The following OR5T2 variants were observed in gnomAD, a reference collection of about 807,000 sequenced individuals.
The protein encoded by OR5T2 is olfactory receptor family 5 subfamily T member 2, also known as olfactory receptor 5T2.
In OR5T2, 12 loss-of-function variants were observed where a neutral mutation model predicts 13.7. That is an observed-to-expected ratio of 0.88 (90% confidence interval 0.56 to 1.42). The LOEUF is 1.42. Among genes scored for constraint, OR5T2 ranks in the 40% most tolerant of loss-of-function variants. The pLI, the probability that OR5T2 is intolerant of heterozygous loss-of-function variation, is 0.00. For missense variants in OR5T2, 475 were observed against 372.0 expected, an observed-to-expected ratio of 1.28 and a Z score of -2.28; for synonymous variants, 146 against 139.5, an observed-to-expected ratio of 1.05 and a Z score of -0.33.
Position 56,233,159 on chromosome 11 carries a change from T to A in OR5T2, c.-97A>T, listed in dbSNP as rs1853319233. 5 of 1,563,424 alleles carry A rather than the reference T, an allele frequency of 3.2e-6. No individual in the cohort carries two copies. The highest frequency in any genetic ancestry group is 3.5e-6 in the Non-Finnish European group (4 of 1,151,630). On this transcript the variant is annotated 5_prime_UTR_variant, in exon 2 of 2. Transcript: ENST00000641661. ...CACCATGACTCAAGGGGATGTTAAC[T>A]GTGCTCTTGTATATACTGTACGACA...
At chr11:56,233,850 G>A (rs1033120812) in intron 1 of OR5T2, among the ~76,000 whole-genome samples, 2 of 151,162 alleles carry the variant, frequency 1.3e-5, no homozygotes, top group Non-Finnish European at 2.9e-5. Context: ...ATTTTGCTTT[G>A]TGCAAATAAG....
chr11:56,232,146 T>C lies in OR5T2; in HGVS notation c.917A>G (p.Asn306Ser). ...AAAATATACTTTATTGATAACCTGA[T>C]TTTTCCCAAACATTTTTTTCATTGA... The part of the protein sequence containing the change: ...KDSMKKMFGK[N>S]QVINKVYFHT... The change falls in exon 2 of 2, where the codon AAT becomes AGT. Residue 306 changes from asparagine (N) to serine (S), a missense_variant. By Grantham distance (46) the Asn-to-Ser change is conservative. Coordinates refer to ENST00000641661, the MANE Select transcript of OR5T2 (RefSeq NM_001004746.4). The C allele has an allele frequency of 6.3e-7, 1 of 1,580,314 alleles. No homozygotes were observed. Among genetic ancestry groups the C allele is most frequent in the Non-Finnish European group, 8.6e-7 (1 of 1,165,700 alleles).
At chr11:56,233,336 T>C (rs1307056025) in intron 1 of OR5T2, 72 bp from the exon 2 acceptor site, 1 of 544,390 alleles carries the variant, frequency 1.8e-6, no homozygotes, top group African/African-American at 1.9e-5. Flanking sequence ...AATCATCAGG[T>C]CTACTGGTTA....
In OR5T2 at chr11:56,232,906, G is replaced by T. The variant is rs758357133; in HGVS notation, c.157C>A (p.Leu53Ile). The change falls in exon 2 of 2, where the codon CTC becomes ATC. Residue 53 changes from leucine to isoleucine, a missense_variant. By Grantham distance (5) the Leu-to-Ile change is conservative. Coordinates refer to ENST00000641661, the MANE Select transcript of OR5T2 (RefSeq NM_001004746.4). ...LILVVIRDSQLHKPMYYFLSM... is the reference protein window; with the variant it reads ...LILVVIRDSQIHKPMYYFLSM... ...AGAAAATAGTACATGGGTTTGTGGA[G>T]CTGGGAATCCCTAATGACCACTAAA... 1.2e-6 allele frequency: 2 copies of T among 1,611,988 alleles called. No homozygotes were observed. Among genetic ancestry groups the T allele is most frequent in the South Asian group, 1.1e-5 (1 of 90,808 alleles).
rs1853277538 is a variant in OR5T2 at position 56,231,500 on chromosome 11, A to T, written c.*606T>A. The T allele has an allele frequency of 6.6e-6, 1 of 152,174 alleles. No homozygotes were observed. Among genetic ancestry groups the T allele is most frequent in the Admixed American group, 6.6e-5 (1 of 15,258 alleles). 9.4% of individuals were successfully genotyped at this position (152,174 alleles called of 1,614,324 possible). ...CAGTCCCCAAAACTGCCCCCTGACA[A>T]CACCAGTCACAAATTCGGGTCTCTG... On this transcript the variant is annotated 3_prime_UTR_variant, in exon 2 of 2. Coordinates refer to ENST00000641661, the MANE Select transcript of OR5T2 (RefSeq NM_001004746.4).
In OR5T2 at chr11:56,232,821, A is replaced by G; in HGVS notation, c.242T>C (p.Val81Ala). 6.2e-7 allele frequency: 1 copy of G among 1,613,822 alleles called. No homozygotes were observed. Among genetic ancestry groups the G allele is most frequent in the Non-Finnish European group, 8.5e-7 (1 of 1,179,832 alleles). Residue 81 changes from valine (V) to alanine (A), a missense_variant, in exon 2 of 2, where the codon GTA becomes GCA. By Grantham distance (64) the Val-to-Ala change is moderately conservative. Transcript: ENST00000641661. The stretch of plus-strand genomic sequence containing the variant: ...GACTTTATTCTTTGTCGTAAAATCT[A>G]CTAACATATTTGGGGTAATAACTGA... ...YSSVITPNMLVDFTTKNKVIS... is the reference protein window; with the variant it reads ...YSSVITPNMLADFTTKNKVIS...
In OR5T2 at chr11:56,232,545, C is replaced by G; in HGVS notation, c.518G>C (p.Arg173Thr). 19 of 1,613,536 alleles carry G rather than the reference C, an allele frequency of 1.2e-5. No individual in the cohort carries two copies. The highest frequency in any genetic ancestry group is 1.6e-5 in the Non-Finnish European group (19 of 1,179,742). ...AGGAGGGATATCACAAAAGACACGC[C>G]TAATTTCATTGGCTCCACAGAAGGA... ...SLSFCGANEI[R>T]RVFCDIPPLL... Residue 173 changes from arginine to threonine, a missense_variant, in exon 2 of 2, where the codon AGG (arginine) becomes ACG (threonine). By Grantham distance (71) the Arg-to-Thr change is moderately conservative. Transcript: ENST00000641661.
Position 56,232,278 on chromosome 11 carries a change from G to T in OR5T2, c.785C>A (p.Ser262Tyr). The T allele has an allele frequency of 6.2e-7, 1 of 1,612,454 alleles. No individual in the cohort carries two copies. Among genetic ancestry groups the T allele is most frequent in the Non-Finnish European group, 8.5e-7 (1 of 1,179,136 alleles). The stretch of plus-strand genomic sequence containing the variant: ...CATGTCATGGTCCGAAGCATAGCTG[G>T]AACTTGGTCTCACATACATGAAGAG... Reference protein sequence around the residue: ...TILFMYVRPSSSYASDHDMIV... With the variant: ...TILFMYVRPSYSYASDHDMIV... The change falls in exon 2 of 2, where the codon TCC (serine) becomes TAC (tyrosine). Residue 262 changes from serine (S) to tyrosine (Y), a missense_variant. Physicochemically the swap from Ser to Tyr is moderately radical, Grantham distance 144. Coordinates refer to ENST00000641661, the MANE Select transcript of OR5T2 (RefSeq NM_001004746.4).
chr11:56,231,993 G>T lies in OR5T2; in HGVS notation c.*113C>A. The T allele has an allele frequency of 1.2e-6, 1 of 853,100 alleles. No homozygotes were observed. Among genetic ancestry groups the T allele is most frequent in the Non-Finnish European group, 1.7e-6 (1 of 582,778 alleles). The allele number at this position is 853,100 out of a possible 1,614,324, so 52.8% of individuals were successfully genotyped here. A position where few individuals can be genotyped will look rare whatever the true frequency, so the allele number is the denominator to read the frequency against. ...CATTATAACAAAAGACTGTAACAAA[G>T]GCTATGGGAATTATGAGCCAGGAAC... On this transcript the variant is annotated 3_prime_UTR_variant, in exon 2 of 2. Transcript: ENST00000641661.
In OR5T2 at chr11:56,233,173, T is replaced by C; in HGVS notation, c.-111A>G. 1 of 1,542,554 alleles carries C rather than the reference T, an allele frequency of 6.5e-7. No homozygotes were observed. Among genetic ancestry groups the C allele is most frequent in the Non-Finnish European group, 8.7e-7 (1 of 1,143,056 alleles). Reference sequence around the variant, plus strand: ...GGGATGTTAACTGTGCTCTTGTATATACTGTACGACATATATTCAGCAGTG... The same window carrying C: ...GGGATGTTAACTGTGCTCTTGTATACACTGTACGACATATATTCAGCAGTG... On this transcript the variant is annotated 5_prime_UTR_variant, in exon 2 of 2. Transcript: ENST00000641661.
At position 56,231,904 on chromosome 11, in the gene OR5T2, C is replaced by T. The variant is rs1014931854; in HGVS notation, c.*202G>A. On this transcript the variant is annotated 3_prime_UTR_variant, in exon 2 of 2. Transcript: ENST00000641661. The stretch of plus-strand genomic sequence containing the variant: ...AGTAAGGCAGACATTGGAACCCAGC[C>T]TTGGTGCAAGTGAAAGGAGGGCAGG... 2 of 453,040 alleles carry T rather than the reference C, an allele frequency of 4.4e-6. No homozygotes were observed. The highest frequency in any genetic ancestry group is 4.1e-5 in the African/African-American group (2 of 49,054). 28.1% of individuals were successfully genotyped at this position (453,040 alleles called of 1,614,324 possible).
rs745613115 is a variant in OR5T2 at position 56,232,135 on chromosome 11, T to A, written c.928A>T (p.Asn310Tyr). 4.1e-5 allele frequency: 65 copies of A among 1,569,274 alleles called. No homozygotes were observed. Among genetic ancestry groups the A allele is most frequent in the Middle Eastern group, 3.4e-4 (2 of 5,828 alleles). The change falls in exon 2 of 2, where the codon AAT becomes TAT. Residue 310 changes from asparagine (N) to tyrosine (Y), a missense_variant. Physicochemically the swap from Asn to Tyr is moderately radical, Grantham distance 143 (BLOSUM62 -2). Transcript: ENST00000641661. The part of the protein sequence containing the change: ...KKMFGKNQVI[N>Y]KVYFHTKK ...TTTTTAGTATGAAAATATACTTTAT[T>A]GATAACCTGATTTTTCCCAAACATT...
At position 56,232,915 on chromosome 11, in the gene OR5T2, C is replaced by A. The variant is rs1853311934; in HGVS notation, c.148G>T (p.Asp50Tyr). Residue 50 changes from aspartate to tyrosine, a missense_variant, in exon 2 of 2, where the codon GAT (aspartate) becomes TAT (tyrosine). By Grantham distance (160) the Asp-to-Tyr change is radical. Transcript: ENST00000641661. ...TACATGGGTTTGTGGAGCTGGGAAT[C>A]CCTAATGACCACTAAAATCAGTCCT... ...NLGLILVVIR[D>Y]SQLHKPMYYF... 2.5e-6 allele frequency: 4 copies of A among 1,611,832 alleles called. No individual in the cohort carries two copies. The East Asian group carries it at 8.9e-5, about 36-fold the overall frequency.
chr11:56,233,389 T>C (rs867566765), intron 1 of OR5T2, 125 bp from the exon 2 acceptor site: 1 of 395,590 alleles, frequency 2.5e-6, no homozygotes, highest in African/African-American at 2.1e-5. Context: ...TATTAAATAA[T>C]ATTAAAACAC....
Position 56,233,172 on chromosome 11 carries a change from A to G in OR5T2, c.-110T>C, listed in dbSNP as rs1175956700. 1.3e-6 allele frequency: 2 copies of G among 1,541,808 alleles called. No homozygotes were observed. The highest frequency in any genetic ancestry group is 1.8e-6 in the Non-Finnish European group (2 of 1,142,576). On this transcript the variant is annotated 5_prime_UTR_variant, in exon 2 of 2. Coordinates refer to ENST00000641661, the MANE Select transcript of OR5T2 (RefSeq NM_001004746.4). The stretch of plus-strand genomic sequence containing the variant: ...GGGGATGTTAACTGTGCTCTTGTAT[A>G]TACTGTACGACATATATTCAGCAGT...
In OR5T2 at chr11:56,232,449, T is replaced by C. The variant is rs753838210; in HGVS notation, c.614A>G (p.Glu205Gly). 13 of 1,607,498 alleles carry C rather than the reference T, an allele frequency of 8.1e-6. No homozygotes were observed. Among genetic ancestry groups the C allele is most frequent in the Non-Finnish European group, 1.1e-5 (13 of 1,176,488 alleles). ...CAGAACAATCAGGATAGTGACCAGC[T>C]CGATAGAGCCCACAAAGTAGAAGAG... ...LLLFYFVGSI[E>G]LVTILIVLIS... The change falls in exon 2 of 2, where the codon GAG becomes GGG. Residue 205 changes from glutamate to glycine, a missense_variant. Physicochemically the swap from Glu to Gly is moderately conservative, Grantham distance 98. Coordinates refer to ENST00000641661, the MANE Select transcript of OR5T2 (RefSeq NM_001004746.4).
rs1394888679 is a variant in OR5T2, at chr11:56,231,602, C to T, written c.*504G>A. ...GTTTCATTAAATTACTGAAGCAGCT[C>T]ACAAAACTCAGGGAAACATATTACT... On this transcript the variant is annotated 3_prime_UTR_variant, in exon 2 of 2. Transcript: ENST00000641661. 1 of 152,266 alleles carries T rather than the reference C, an allele frequency of 6.6e-6. No individual in the cohort carries two copies. The highest frequency in any genetic ancestry group is 2.4e-5 in the African/African-American group (1 of 41,416). The allele number at this position is 152,266 out of a possible 1,614,324, so 9.4% of individuals were successfully genotyped here.
At position 56,232,815 on chromosome 11, in the gene OR5T2, A is replaced by C; in HGVS notation, c.248T>G (p.Phe83Cys). The C allele has an allele frequency of 1.2e-6, 2 of 1,613,944 alleles. No homozygotes were observed. Among genetic ancestry groups the C allele is most frequent in the Non-Finnish European group, 8.5e-7 (1 of 1,179,902 alleles). Residue 83 changes from phenylalanine to cysteine, a missense_variant, in exon 2 of 2, where the codon TTT becomes TGT. Phe to Cys is a radical substitution (Grantham distance 205, BLOSUM62 -2). Coordinates refer to ENST00000641661, the MANE Select transcript of OR5T2 (RefSeq NM_001004746.4). ...SVITPNMLVD[F>C]TTKNKVISFL... is the part of the protein sequence containing the mutation. ...TGAAATGACTTTATTCTTTGTCGTA[A>C]AATCTACTAACATATTTGGGGTAAT...
At chr11:56,233,899 C>G (rs944821366) in intron 1 of OR5T2, among the ~76,000 whole-genome samples, 1 of 151,532 alleles carries the variant, frequency 6.6e-6, no homozygotes, top group Non-Finnish European at 1.5e-5. Context: ...GGCATTTCTA[C>G]TAGATGCCAA....
Sources: gnomAD v4.1 joint callset for allele counts (sites outside exome capture counted in the v4.1 genomes callset) on GRCh38, gnomAD v4.1.1 for gene constraint, MANE v1.5 for transcripts, NCBI Gene and HGNC (gene_info 2026-07-23, HGNC 2026-07-21) for gene names.